The following CATSPER3 variants were observed in gnomAD, a reference collection of about 807,000 sequenced individuals.
CATSPER3 encodes cation channel sperm associated 3.
CATSPER3 carries 23 observed loss-of-function variants against 36.6 expected under a neutral mutation model. The ratio of observed to expected loss-of-function variants is 0.63; its 90% confidence interval spans 0.45 to 0.89. The LOEUF (loss-of-function observed/expected upper bound fraction) is 0.89. Ranked by LOEUF, CATSPER3 falls within the 40% of genes least tolerant of loss-of-function variation. CATSPER3 has a pLI of 0.00. For missense variants in CATSPER3, 474 were observed against 503.9 expected, an observed-to-expected ratio of 0.94 and a Z score of 0.57; for synonymous variants, 172 against 184.1, an observed-to-expected ratio of 0.93 and a Z score of 0.53.
intron 3 of CATSPER3, among the ~76,000 whole-genome samples, chr5:135,003,521 C>G (rs887803832): frequency 6.6e-6 from 1 of 152,198 alleles, no homozygotes; most frequent in African/African-American, 2.4e-5. Context: ...TTTCTGCTGC[C>G]TTTTGTTCAG....
chr5:134,996,358 G>A lies in CATSPER3; in HGVS notation c.338G>A (p.Gly113Asp), dbSNP rs1188772947. Residue 113 changes from glycine to aspartate, a missense_variant, in exon 3 of 8, where the codon GGC becomes GAC. Physicochemically the swap from Gly to Asp is moderately conservative, Grantham distance 94. Transcript: ENST00000282611. The stretch of plus-strand genomic sequence containing the variant: ...GACCCCATCAACTACTGGAAGAACG[G>A]CTACAACCTGCTGGATGTGATCATT... ...YVDPINYWKN[G>D]YNLLDVIIII... 6.2e-7 allele frequency: 1 copy of A among 1,614,132 alleles called. No individual in the cohort carries two copies. Among genetic ancestry groups the A allele is most frequent in the African/African-American group, 1.3e-5 (1 of 74,950 alleles).
At chr5:134,984,977 C>A (rs1216878256) in intron 2 of CATSPER3, among the ~76,000 whole-genome samples, 2 of 152,286 alleles carry the variant, frequency 1.3e-5, no homozygotes, top group Non-Finnish European at 2.9e-5. Flanking sequence ...CGCCACCACG[C>A]CTGGCTAATT....
rs553809080 is a variant in CATSPER3, at chr5:134,971,232, A to G, written c.252+1140A>G. ...CCAGAGTGCAGGTATTACAGACGTT[A>G]GCCACTGTGCCCGGCCCCTCCCATC... On this transcript the variant is annotated intron_variant, in intron 2 of 7. Transcript: ENST00000282611. Among the ~76,000 whole-genome samples, 523 of 152,176 alleles carry G rather than the reference A, an allele frequency of 3.4e-3. 5 individuals are homozygous for G. The highest frequency in any genetic ancestry group is 5.6e-3 in the Non-Finnish European group (380 of 68,008).
chr5:134,968,907 T>C (rs1751567469), intron 1 of CATSPER3: 1 of 152,188 alleles, frequency 6.6e-6, no homozygotes. Flanking sequence ...TTGGCATATT[T>C]CCTGCTGATT....
rs145655192 is a variant in CATSPER3 at position 135,009,059 on chromosome 5, C to T, written c.816+78C>T. On this transcript the variant is annotated intron_variant, in intron 5 of 7. Coordinates refer to ENST00000282611, the MANE Select transcript of CATSPER3 (RefSeq NM_178019.3). ...CTGTAGGGCAAGTCTCCAGGGAGGA[C>T]CTGGAGCTGTGTAGCTGTGTCTTCC... The T allele has an allele frequency of 3.1e-3, 4,886 of 1,589,834 alleles. 21 individuals are homozygous for T. Among genetic ancestry groups the T allele is most frequent in the Middle Eastern group, 0.017 (101 of 5,876 alleles).
chr5:134,999,728 G>A (rs1170537788), intron 3 of CATSPER3, among the ~76,000 whole-genome samples: 2 of 152,122 alleles, frequency 1.3e-5, no homozygotes, highest in African/African-American at 4.8e-5. Context: ...TTGGTGTATA[G>A]GAATGCTTGT....
intron 3 of CATSPER3, among the ~76,000 whole-genome samples, chr5:134,997,644 C>G (rs542643829): frequency 1.3e-5 from 2 of 152,176 alleles, no homozygotes; most frequent in South Asian, 4.2e-4. Context: ...TTCTCAGGAG[C>G]GTTTATCCTT....
At chr5:134,989,015 A>G (rs1036202356) in intron 2 of CATSPER3, among the ~76,000 whole-genome samples, 56 of 152,322 alleles carry the variant, frequency 3.7e-4, no homozygotes, top group African/African-American at 1.3e-3. Context: ...CAACTTCTTC[A>G]TCTTTTTATA....
In CATSPER3 at chr5:134,969,998, A is replaced by G. The variant is rs765754154; in HGVS notation, c.158A>G (p.Lys53Arg). Residue 53 changes from lysine to arginine, a missense_variant, in exon 2 of 8, where the codon AAG becomes AGG. Physicochemically the swap from Lys to Arg is conservative, Grantham distance 26 (BLOSUM62 2). Coordinates refer to ENST00000282611, the MANE Select transcript of CATSPER3 (RefSeq NM_178019.3). ...VKRVIMSRFF[K>R]IIMISTVTSN... ...AGAGTCATAATGAGCCGTTTCTTTA[A>G]GATAATTATGATTAGCACTGTCACA... 6.2e-7 allele frequency: 1 copy of G among 1,614,090 alleles called. No homozygotes were observed. The highest frequency in any genetic ancestry group is 8.5e-7 in the Non-Finnish European group (1 of 1,179,994).
chr5:135,010,276 C>T, intron 6 of CATSPER3, 97 bp from the exon 7 acceptor site: 1 of 1,081,810 alleles, frequency 9.2e-7, no homozygotes. Flanking sequence ...CAGGGTCAGG[C>T]CGCTGCCTGG....
At chr5:135,005,762 C>T (rs1419960935) in intron 3 of CATSPER3, among the ~76,000 whole-genome samples, 2 of 150,782 alleles carry the variant, frequency 1.3e-5, no homozygotes, top group Non-Finnish European at 2.9e-5. Context: ...CAGAGATGCA[C>T]AAATGTTCAT....
chr5:134,970,013 G>A lies in CATSPER3; in HGVS notation c.173G>A (p.Ser58Asn), dbSNP rs764251114. 6.2e-6 allele frequency: 10 copies of A among 1,613,772 alleles called. No individual in the cohort carries two copies. The highest frequency in any genetic ancestry group is 5.5e-5 in the South Asian group (5 of 91,070). The change falls in exon 2 of 8, where the codon AGC becomes AAC. Residue 58 changes from serine to asparagine, a missense_variant. Coordinates refer to ENST00000282611, the MANE Select transcript of CATSPER3 (RefSeq NM_178019.3). ...CGTTTCTTTAAGATAATTATGATTA[G>A]CACTGTCACATCGAATGCGTTTTTT... is the stretch of plus-strand genomic sequence containing the variant. ...MSRFFKIIMI[S>N]TVTSNAFFMA...
At chr5:134,990,464 T>G (rs1023776185) in intron 2 of CATSPER3, among the ~76,000 whole-genome samples, 3 of 152,148 alleles carry the variant, frequency 2.0e-5, no homozygotes, top group Non-Finnish European at 4.4e-5. Flanking sequence ...GAGGGGTGAC[T>G]TTGAATAGAA....
chr5:135,004,085 A>G (rs777896266), intron 3 of CATSPER3, among the ~76,000 whole-genome samples: 75 of 152,208 alleles, frequency 4.9e-4, no homozygotes, highest in Non-Finnish European at 9.6e-4. Flanking sequence ...TTATTCAGCC[A>G]TCATCTCCTC....
chr5:135,004,619 A>G (rs1274653769), intron 3 of CATSPER3, among the ~76,000 whole-genome samples: 5 of 152,176 alleles, frequency 3.3e-5, no homozygotes, highest in South Asian at 4.1e-4. Context: ...AGCAGGGGCC[A>G]GGAGTGGCAC....
chr5:134,985,539 A>G (rs924912451), intron 2 of CATSPER3, among the ~76,000 whole-genome samples: 2 of 152,126 alleles, frequency 1.3e-5, no homozygotes, highest in Non-Finnish European at 2.9e-5. Context: ...CATTGCACCT[A>G]ATAGGTAGTC....
intron 2 of CATSPER3, among the ~76,000 whole-genome samples, chr5:134,983,124 A>T (rs572150203): frequency 6.6e-6 from 1 of 152,362 alleles, no homozygotes; most frequent in South Asian, 2.1e-4. Context: ...ATATGCAAAA[A>T]GGCAGTAATG....
intron 3 of CATSPER3, among the ~76,000 whole-genome samples, chr5:135,006,555 G>T (rs563833184): frequency 6.6e-6 from 1 of 152,010 alleles, no homozygotes; most frequent in East Asian, 1.9e-4. Context: ...AAAAAATATC[G>T]GCTGGGCGCC....
At chr5:134,980,199 C>G (rs1308737836) in intron 2 of CATSPER3, among the ~76,000 whole-genome samples, 1 of 151,956 alleles carries the variant, frequency 6.6e-6, no homozygotes, top group Non-Finnish European at 1.5e-5. Context: ...CTAGGCTGGC[C>G]TTGAACTCCT....
Sources: allele counts gnomAD v4.1 joint callset (sites outside exome capture counted in the v4.1 genomes callset), GRCh38; gene constraint gnomAD v4.1.1; transcripts MANE v1.5; gene names NCBI Gene and HGNC (gene_info 2026-07-23, HGNC 2026-07-21).